The following LYST variants were observed in gnomAD, a reference collection of about 807,000 sequenced individuals.
LYST encodes the protein lysosomal-trafficking regulator.
In LYST, 192 loss-of-function variants were observed where a neutral mutation model predicts 413.6. That is an observed-to-expected ratio of 0.46 (90% CI 0.41 to 0.52). The LOEUF (loss-of-function observed/expected upper bound fraction) is 0.52, where lower values mean the gene tolerates loss of function less well. Ranked by LOEUF, LYST falls within the 20% of genes least tolerant of loss-of-function variation. The pLI is 0.00. For synonymous variants in LYST, 1,525 were observed against 1,567.3 expected (o/e 0.97, Z 0.64); for missense variants, 3,815 against 4,499.9 (o/e 0.85, Z 4.35).
chr1:235,670,089 A>G (rs539667604), intron 50 of LYST, among the ~76,000 whole-genome samples: 48 of 152,284 alleles, frequency 3.2e-4, no homozygotes, highest in Non-Finnish European at 6.2e-4. Flanking sequence ...ATTTGTAATT[A>G]GCAAACCTCT....
chr1:235,857,778 CACACACATAT>C (rs71174464), intron 1 of LYST, among the ~76,000 whole-genome samples: 21 of 140,726 alleles, frequency 1.5e-4, no homozygotes, highest in Non-Finnish European at 2.8e-4. Flanking sequence ...CACACACACA[CACACACATAT>C]ATATATAAAA....
intron 3 of LYST, among the ~76,000 whole-genome samples, chr1:235,815,870 C>T (rs1174083120): frequency 2.0e-5 from 3 of 152,070 alleles, no homozygotes; most frequent in African/African-American, 4.8e-5. Flanking sequence ...CGGTGGCTCA[C>T]GCCTGTAATC....
Position 235,759,334 on chromosome 1 carries a change from A to T in LYST, c.6519T>A (p.Thr2173=). ...AGAGGACAGCTTCCATTTCACAAAC[A>T]GTTTTTGCAGACTCACAGCTACTGA... The part of the protein sequence containing the change: ...AFISSCESAK[T]VCEMEAVLSA... The change falls in exon 23 of 53, where the codon ACT becomes ACA. Residue 2173 remains threonine, a synonymous_variant. Coordinates refer to ENST00000389793, the MANE Select transcript of LYST (RefSeq NM_000081.4). The T allele has an allele frequency of 6.2e-7, 1 of 1,614,142 alleles. No homozygotes were observed. The highest frequency in any genetic ancestry group is 1.3e-5 in the African/African-American group (1 of 75,034).
chr1:235,818,268 C>T (rs531688364), intron 3 of LYST, among the ~76,000 whole-genome samples: 1 of 152,188 alleles, frequency 6.6e-6, no homozygotes, highest in African/African-American at 2.4e-5. Flanking sequence ...AGTGTCAGAT[C>T]TAATGGGCCC....
At position 235,741,518 on chromosome 1, in the gene LYST, T is replaced by C; in HGVS notation, c.8262A>G (p.Pro2754=). 6.2e-7 allele frequency: 1 copy of C among 1,614,074 alleles called. No individual in the cohort carries two copies. The highest frequency in any genetic ancestry group is 2.2e-5 in the East Asian group (1 of 44,884). ...GCTTTCTCTCTTGTGCAGCGTGGGC[T>C]GGCGACAAAATATGCACTAGTAGTC... is the stretch of plus-strand genomic sequence containing the variant. The part of the protein sequence containing the change: ...LGRLLVHILS[P]AHAAQERKQI... Residue 2754 remains proline, a synonymous_variant, in exon 31 of 53, where the codon CCA becomes CCG. Coordinates refer to ENST00000389793, the MANE Select transcript of LYST (RefSeq NM_000081.4).
chr1:235,844,545 T>C (rs1038327970), intron 1 of LYST, among the ~76,000 whole-genome samples: 2 of 152,202 alleles, frequency 1.3e-5, no homozygotes, highest in South Asian at 2.1e-4. Flanking sequence ...ATACATAGCC[T>C]TTCTTCTTCT....
chr1:235,770,335 C>A, intron 19 of LYST, 38 bp from the exon 20 acceptor site: 1 of 1,605,928 alleles, frequency 6.2e-7, no homozygotes, highest in Non-Finnish European at 8.5e-7. Context: ...CACATACTTA[C>A]TGAAAAATAT....
At chr1:235,682,478 C>A (rs1571986354) in intron 48 of LYST, among the ~76,000 whole-genome samples, 1 of 152,282 alleles carries the variant, frequency 6.6e-6, no homozygotes, top group Non-Finnish European at 1.5e-5. Flanking sequence ...AAGCCCACAG[C>A]AGGCACTACT....
In LYST at chr1:235,715,191, A is replaced by C. The variant is rs1409266710; in HGVS notation, c.9784+10T>G. 6.2e-7 allele frequency: 1 copy of C among 1,612,972 alleles called. No individual in the cohort carries two copies. On this transcript the variant is annotated intron_variant, in intron 42 of 52. Transcript: ENST00000389793. The stretch of plus-strand genomic sequence containing the variant: ...CAACATGACTTTTTAGGCAGTTATT[A>C]AATTCTTACCTTGATAGGCTAAAAA...
intron 31 of LYST, chr1:235,738,920 T>C (rs1264782288): frequency 1.4e-6 from 1 of 729,808 alleles, no homozygotes; most frequent in Non-Finnish European, 2.6e-6. Flanking sequence ...CTCTGACTCC[T>C]GAGGAAGGGG....
At chr1:235,784,334 G>A (rs1670188739) in intron 14 of LYST, among the ~76,000 whole-genome samples, 4 of 152,324 alleles carry the variant, frequency 2.6e-5, no homozygotes, top group East Asian at 3.9e-4. Context: ...GAGTATAGCT[G>A]TAAGTTGGTG....
At chr1:235,725,204 C>T (rs1446090465) in intron 38 of LYST, among the ~76,000 whole-genome samples, 1 of 152,106 alleles carries the variant, frequency 6.6e-6, no homozygotes, top group Admixed American at 6.6e-5. Context: ...GAGGCGGAGG[C>T]AGGCAGATCA....
intron 1 of LYST, among the ~76,000 whole-genome samples, chr1:235,846,682 CAAT>C (rs1467168500): frequency 2.0e-5 from 3 of 151,788 alleles, no homozygotes; most frequent in Non-Finnish European, 2.9e-5. Flanking sequence ...AGAAAAAAAA[CAAT>C]AAAAAATTCA....
Position 235,809,052 on chromosome 1 carries a change from T to G in LYST, c.1766A>C (p.Lys589Thr). 2 of 1,614,114 alleles carry G rather than the reference T, an allele frequency of 1.2e-6. No homozygotes were observed. Among genetic ancestry groups the G allele is most frequent in the Admixed American group, 3.3e-5 (2 of 60,022 alleles). Reference protein sequence around the residue: ...NIGICCCMDPKSVIIPLLHAF... With the variant: ...NIGICCCMDPTSVIIPLLHAF... ...ATGGAGCAAAGGAATGATTACAGATTTGGGATCCATACAACAGCATATTCC... is the reference window on the plus strand; with the variant it reads ...ATGGAGCAAAGGAATGATTACAGATGTGGGATCCATACAACAGCATATTCC... The change falls in exon 5 of 53, where the codon AAA (lysine) becomes ACA (threonine). Residue 589 changes from lysine (K) to threonine (T), a missense_variant. Around this residue, in one of 4 missense-constraint regions of LYST, gnomAD observed 1,648 missense variants for 1,810.3 expected, o/e 0.91. Transcript: ENST00000389793. This position sits in a 1 kb window ranked among gnomAD's most constrained non-coding sequence, Gnocchi z 4.0.
At chr1:235,738,449 T>C (rs1665015496) in intron 31 of LYST, 2 of 1,612,718 alleles carry the variant, frequency 1.2e-6, no homozygotes, top group Non-Finnish European at 1.7e-6. Context: ...GCTTGGAAGA[T>C]AATGGCTTTC....
intron 43 of LYST, among the ~76,000 whole-genome samples, chr1:235,710,320 T>TTTAGGATGG (rs1470673509): frequency 2.0e-5 from 3 of 152,130 alleles, no homozygotes; most frequent in African/African-American, 7.2e-5. Context: ...GCATGGTTGA[T>TTTAGGATGG]TTAGGATGGA....
intron 48 of LYST, among the ~76,000 whole-genome samples, chr1:235,681,256 T>G (rs1440952564): frequency 6.6e-6 from 1 of 152,048 alleles, no homozygotes; most frequent in East Asian, 1.9e-4. Flanking sequence ...GAAGACAGCA[T>G]GTGTGAGGGA....
At chr1:235,711,118 A>C (rs1415044827) in intron 43 of LYST, among the ~76,000 whole-genome samples, 6 of 152,200 alleles carry the variant, frequency 3.9e-5, no homozygotes, top group Non-Finnish European at 8.8e-5. Context: ...ATTGATAATA[A>C]ATTTATTATT....
intron 31 of LYST, among the ~76,000 whole-genome samples, chr1:235,740,197 TATG>T (rs1194553247): frequency 6.6e-6 from 1 of 152,170 alleles, no homozygotes; most frequent in Non-Finnish European, 1.5e-5. Flanking sequence ...TGACTCCTAA[TATG>T]ATATGTGTTT....
Sources: allele counts gnomAD v4.1 joint callset (sites outside exome capture counted in the v4.1 genomes callset), GRCh38; gene constraint gnomAD v4.1.1; regional missense constraint gnomAD v4.1.1; non-coding constraint Gnocchi (gnomAD v3.1); transcripts MANE v1.5; gene names NCBI Gene and HGNC (gene_info 2026-07-23, HGNC 2026-07-21).